The following MAGI2 variants were observed in gnomAD, a reference collection of about 807,000 sequenced individuals.
The protein encoded by MAGI2 is membrane associated guanylate kinase, WW and PDZ domain containing 2.
In MAGI2, 35 loss-of-function variants were observed where a neutral mutation model predicts 133.3. The observed-to-expected ratio is 0.26, with a 90% CI of 0.20 to 0.35. The LOEUF (loss-of-function observed/expected upper bound fraction) is 0.35. Ranked by LOEUF, MAGI2 falls within the 10% of genes least tolerant of loss-of-function variation. MAGI2 has a pLI of 1.00. For missense variants in MAGI2, 1,636 were observed against 1,863.4 expected, an observed-to-expected ratio of 0.88 and a Z score of 2.25; for synonymous variants, 729 against 710.6, an observed-to-expected ratio of 1.03 and a Z score of -0.41.
intron 9 of MAGI2, among the ~76,000 whole-genome samples, chr7:78,328,424 C>T (rs1788804556): frequency 6.7e-6 from 1 of 150,128 alleles, no homozygotes; most frequent in Admixed American, 6.7e-5. Flanking sequence ...TATAAGATGC[C>T]AGAAAATCCT....
intron 3 of MAGI2, among the ~76,000 whole-genome samples, chr7:78,613,486 C>A (rs1465021609): frequency 6.6e-6 from 1 of 152,102 alleles, no homozygotes; most frequent in Non-Finnish European, 1.5e-5. Context: ...GTAGAGGAAG[C>A]TTTCTAGGAT....
At chr7:79,030,289 T>C (rs933909869) in intron 1 of MAGI2, 1 of 152,162 alleles carries the variant, frequency 6.6e-6, no homozygotes, top group African/African-American at 2.4e-5. Context: ...ACAGTGAAGA[T>C]GAGCATGGCC....
At chr7:78,998,959 G>T (rs1806584370) in intron 2 of MAGI2, among the ~76,000 whole-genome samples, 1 of 152,124 alleles carries the variant, frequency 6.6e-6, no homozygotes, top group Non-Finnish European at 1.5e-5. Context: ...CAGATTCTGA[G>T]TTCCCTGAAA....
intron 2 of MAGI2, among the ~76,000 whole-genome samples, chr7:78,650,341 G>T (rs1250516149): frequency 6.6e-6 from 1 of 152,146 alleles, no homozygotes; most frequent in Admixed American, 6.5e-5. Flanking sequence ...TCCAGGGGAA[G>T]GATAGACAGG....
intron 2 of MAGI2, among the ~76,000 whole-genome samples, chr7:78,958,602 G>T (rs1204300481): frequency 6.6e-6 from 1 of 152,080 alleles, no homozygotes; most frequent in East Asian, 1.9e-4. Context: ...ATTATAGTTA[G>T]CTAGCCAGGG....
intron 2 of MAGI2, among the ~76,000 whole-genome samples, chr7:78,722,076 G>A (rs888273349): frequency 1.3e-5 from 2 of 150,892 alleles, no homozygotes; most frequent in Non-Finnish European, 3.0e-5. Flanking sequence ...CCCATAAAAG[G>A]TATGACTCTT....
chr7:79,184,372 TC>T (rs1395286141), intron 1 of MAGI2, among the ~76,000 whole-genome samples: 1 of 151,296 alleles, frequency 6.6e-6, no homozygotes, highest in African/African-American at 2.4e-5. Flanking sequence ...AAGAACTTAT[TC>T]ATGTAACCAA....
intron 3 of MAGI2, among the ~76,000 whole-genome samples, chr7:78,557,841 T>A (rs1450224965): frequency 6.6e-6 from 1 of 152,202 alleles, no homozygotes; most frequent in Non-Finnish European, 1.5e-5. Context: ...TATTGATTAT[T>A]TAAAATACAA....
At chr7:78,234,973 T>C (rs1215904404) in intron 10 of MAGI2, among the ~76,000 whole-genome samples, 1 of 152,178 alleles carries the variant, frequency 6.6e-6, no homozygotes, top group Non-Finnish European at 1.5e-5. Flanking sequence ...ATGTGATTTT[T>C]TTTTAATTTA....
chr7:79,084,469 C>G (rs1816310808), intron 1 of MAGI2, among the ~76,000 whole-genome samples: 1 of 151,510 alleles, frequency 6.6e-6, no homozygotes. Flanking sequence ...CCAAATTTTC[C>G]TCTATTAATC....
intron 1 of MAGI2, among the ~76,000 whole-genome samples, chr7:79,098,836 A>G (rs962930512): frequency 6.6e-6 from 1 of 152,178 alleles, no homozygotes; most frequent in African/African-American, 2.4e-5. Flanking sequence ...CCAGGAGAGG[A>G]GAGAGAAAGG....
chr7:78,092,291 T>G (rs1817286058), intron 20 of MAGI2, among the ~76,000 whole-genome samples: 1 of 152,234 alleles, frequency 6.6e-6, no homozygotes, highest in Non-Finnish European at 1.5e-5. Flanking sequence ...TGACAATGAG[T>G]GCATGGATTA....
chr7:78,730,052 A>C (rs547366981), intron 2 of MAGI2, among the ~76,000 whole-genome samples: 1 of 152,184 alleles, frequency 6.6e-6, no homozygotes, highest in South Asian at 2.1e-4. Flanking sequence ...TTCCTCTGTT[A>C]TCTTTGAAAT....
At chr7:78,282,449 G>C (rs1282325262) in intron 9 of MAGI2, among the ~76,000 whole-genome samples, 1 of 152,134 alleles carries the variant, frequency 6.6e-6, no homozygotes, top group Admixed American at 6.6e-5. Flanking sequence ...TATTGCCTGT[G>C]AATGGTTTTG....
rs957411677 is a variant in MAGI2 at position 79,254,675 on chromosome 7, C to T, written c.301+198345G>A. 5.3e-5 allele frequency among the ~76,000 whole-genome samples: 8 copies of T among 152,152 alleles called. 1 individual carries two copies. Among genetic ancestry groups the T allele is most frequent in the African/African-American group, 1.4e-4 (6 of 41,444 alleles). Reference sequence around the variant, plus strand: ...AATTTTCCTAAAATATATTTCTGGGCCTCTACATTTTTCCATGAATCTTCT... The same window carrying T: ...AATTTTCCTAAAATATATTTCTGGGTCTCTACATTTTTCCATGAATCTTCT... On this transcript the variant is annotated intron_variant, in intron 1 of 21. Coordinates refer to ENST00000354212, the MANE Select transcript of MAGI2 (RefSeq NM_012301.4).
intron 3 of MAGI2, chr7:78,618,844 G>A: frequency 6.6e-6 from 1 of 151,346 alleles, no homozygotes; most frequent in Non-Finnish European, 1.5e-5. Flanking sequence ...AGAGAGTAGA[G>A]TGGTGGTTAC....
intron 1 of MAGI2, among the ~76,000 whole-genome samples, chr7:79,122,467 A>G (rs943126435): frequency 3.3e-5 from 5 of 152,218 alleles, no homozygotes; most frequent in African/African-American, 7.2e-5. Flanking sequence ...CCAGAAATGT[A>G]TTAAAAAGGA....
At chr7:79,416,970 G>C (rs375658469) in intron 1 of MAGI2, among the ~76,000 whole-genome samples, 18 of 151,914 alleles carry the variant, frequency 1.2e-4, no homozygotes, top group African/African-American at 4.1e-4. Context: ...CGGATCTTGT[G>C]ATCTGCCCAC....
chr7:79,039,452 T>G (rs1207597288), intron 1 of MAGI2, among the ~76,000 whole-genome samples: 1 of 152,108 alleles, frequency 6.6e-6, no homozygotes, highest in African/African-American at 2.4e-5. Context: ...ATAGATTATT[T>G]CTTCTGGAAG....
Sources: allele counts gnomAD v4.1 joint callset (sites outside exome capture counted in the v4.1 genomes callset), GRCh38; gene constraint gnomAD v4.1.1; transcripts MANE v1.5; gene names NCBI Gene and HGNC (gene_info 2026-07-23, HGNC 2026-07-21).